Variants in MNAT1 observed in about 807,000 individuals in gnomAD.
MNAT1 encodes CDK-activating kinase assembly factor MAT1.
Under a neutral mutation model 42.0 loss-of-function variants are expected in MNAT1, and 43 were observed. The ratio of observed to expected loss-of-function variants is 1.02; its 90% confidence interval spans 0.80 to 1.32. MNAT1 has a LOEUF of 1.32. Among genes scored for constraint, MNAT1 ranks in the 40% most tolerant of loss-of-function variants. The probability of loss-of-function intolerance (pLI) is 0.00; values close to 1 mark genes in which losing one functional copy is unlikely to be tolerated. For synonymous variants in MNAT1, 118 were observed against 120.0 expected (o/e 0.98, Z 0.11); for missense variants, 306 against 350.4 (o/e 0.87, Z 1.01).
At chr14:60,746,329 C>T (rs1451558936) in intron 1 of MNAT1, among the ~76,000 whole-genome samples, 1 of 152,054 alleles carries the variant, frequency 6.6e-6, no homozygotes, top group East Asian at 1.9e-4. Context: ...GCCTGACCAA[C>T]ATGGTGAAAC....
At chr14:60,780,072 T>C in intron 1 of MNAT1, 1 of 1,471,084 alleles carries the variant, frequency 6.8e-7, no homozygotes, top group Non-Finnish European at 9.5e-7. Flanking sequence ...AACAGCATTT[T>C]ATATCAGCGT....
At chr14:60,777,145 C>G (rs2031283498) in intron 1 of MNAT1, among the ~76,000 whole-genome samples, 1 of 152,176 alleles carries the variant, frequency 6.6e-6, no homozygotes, top group Admixed American at 6.5e-5. Flanking sequence ...CCACCATGCC[C>G]AGCCTTTGAA....
Position 60,863,168 on chromosome 14 carries a change from T to C in MNAT1, c.688-16546T>C, listed in dbSNP as rs139246620. On this transcript the variant is annotated intron_variant, in intron 6 of 7. Transcript: ENST00000261245. ...TACATTTGTGATAAATAGAAATAAA[T>C]GAGAAATAGAATGTGGAGAGGCTGT... 1.1e-3 allele frequency among the ~76,000 whole-genome samples: 169 copies of C among 152,208 alleles called. No homozygotes were observed. In the East Asian group the frequency reaches 0.023, roughly 21 times the overall value.
At chr14:60,792,634 C>A (rs1421362918) in intron 1 of MNAT1, among the ~76,000 whole-genome samples, 3 of 152,030 alleles carry the variant, frequency 2.0e-5, no homozygotes, top group African/African-American at 7.2e-5. Context: ...ATGAATATTT[C>A]TTTTAGGCCA....
At chr14:60,917,392 T>TA (rs2035544861) in intron 7 of MNAT1, among the ~76,000 whole-genome samples, 2 of 152,222 alleles carry the variant, frequency 1.3e-5, no homozygotes, top group African/African-American at 4.8e-5. Flanking sequence ...AAGCAGTGTA[T>TA]AAAACAATTT....
intron 7 of MNAT1, among the ~76,000 whole-genome samples, chr14:60,908,057 T>G (rs559929399): frequency 1.1e-4 from 17 of 152,242 alleles, no homozygotes; most frequent in African/African-American, 3.4e-4. Flanking sequence ...CATAACTATG[T>G]AAAAACAACC....
At chr14:60,909,079 A>G (rs2035283322) in intron 7 of MNAT1, among the ~76,000 whole-genome samples, 2 of 152,170 alleles carry the variant, frequency 1.3e-5, no homozygotes. Context: ...GCCAGTGATG[A>G]TTAGAATTTT....
At chr14:60,769,275 A>C (rs759419839) in intron 1 of MNAT1, among the ~76,000 whole-genome samples, 5 of 151,842 alleles carry the variant, frequency 3.3e-5, no homozygotes, top group Non-Finnish European at 7.4e-5. Context: ...CTTTTTTAAG[A>C]TATATTTTAA....
intron 7 of MNAT1, among the ~76,000 whole-genome samples, chr14:60,903,865 G>GTTTTTTTTT (rs35825181): frequency 5.2e-5 from 6 of 115,742 alleles, no homozygotes; most frequent in African/African-American, 9.7e-5. Flanking sequence ...ACCCATGTAA[G>GTTTTTTTTT]TTTTTTTTTT....
At chr14:60,909,158 T>G (rs942402404) in intron 7 of MNAT1, among the ~76,000 whole-genome samples, 7 of 152,242 alleles carry the variant, frequency 4.6e-5, no homozygotes, top group South Asian at 2.1e-4. Context: ...TCACCCACTT[T>G]TTGATGGGGT....
At chr14:60,893,088 T>C (rs1457326710) in intron 7 of MNAT1, among the ~76,000 whole-genome samples, 1 of 152,136 alleles carries the variant, frequency 6.6e-6, no homozygotes, top group Non-Finnish European at 1.5e-5. Flanking sequence ...ACCTTTTGAT[T>C]ATCTTTTTTA....
At chr14:60,787,163 T>C (rs1176417460) in intron 1 of MNAT1, among the ~76,000 whole-genome samples, 1 of 152,170 alleles carries the variant, frequency 6.6e-6, no homozygotes, top group East Asian at 1.9e-4. Flanking sequence ...GCTGGTTTGG[T>C]TTCTGACCAC....
intron 7 of MNAT1, among the ~76,000 whole-genome samples, chr14:60,880,728 A>G (rs1207125278): frequency 6.6e-6 from 1 of 152,194 alleles, no homozygotes; most frequent in Non-Finnish European, 1.5e-5. Context: ...TGTGAACATC[A>G]AGGCTCCAAG....
chr14:60,771,139 G>A (rs919677591), intron 1 of MNAT1, among the ~76,000 whole-genome samples: 10 of 152,034 alleles, frequency 6.6e-5, no homozygotes, highest in African/African-American at 2.2e-4. Context: ...TAAAGAGGTT[G>A]TACAGTTTAC....
At position 60,808,380 on chromosome 14, in the gene MNAT1, A is replaced by G; in HGVS notation, c.372A>G (p.Ile124Met). 1 of 1,587,848 alleles carries G rather than the reference A, an allele frequency of 6.3e-7. No homozygotes were observed. Among genetic ancestry groups the G allele is most frequent in the South Asian group, 1.2e-5 (1 of 85,398 alleles). Residue 124 changes from isoleucine (I) to methionine (M), a missense_variant, in exon 4 of 8, where the codon ATA (isoleucine) becomes ATG (methionine). Coordinates refer to ENST00000261245, the MANE Select transcript of MNAT1 (RefSeq NM_002431.4). Reference protein sequence around the residue: ...DLDNTKKKMEIYQKENKDVIQ... With the variant: ...DLDNTKKKMEMYQKENKDVIQ... ...ACAACACCAAAAAGAAAATGGAGATATACCAAAAGGAAAACAAAGATGTTA... is the reference window on the plus strand; with the variant it reads ...ACAACACCAAAAAGAAAATGGAGATGTACCAAAAGGAAAACAAAGATGTTA...
At chr14:60,775,233 T>C (rs1406412089) in intron 1 of MNAT1, among the ~76,000 whole-genome samples, 3 of 152,144 alleles carry the variant, frequency 2.0e-5, no homozygotes, top group Non-Finnish European at 4.4e-5. Flanking sequence ...AGTGGTCAGT[T>C]AATGCTGCTA....
intron 3 of MNAT1, among the ~76,000 whole-genome samples, chr14:60,805,436 A>G (rs2032337865): frequency 6.6e-6 from 1 of 152,188 alleles, no homozygotes; most frequent in African/African-American, 2.4e-5. Flanking sequence ...TGTAGTTTAC[A>G]CTAGGATTCA....
intron 7 of MNAT1, among the ~76,000 whole-genome samples, chr14:60,914,126 G>T (rs556411940): frequency 0.016 from 2,503 of 152,356 alleles, 35 homozygotes; most frequent in Non-Finnish European, 0.022. Flanking sequence ...CTCCGAGCCT[G>T]GTGCAGGATA....
At chr14:60,958,719 C>T (rs1242835193) in intron 7 of MNAT1, among the ~76,000 whole-genome samples, 2 of 140,082 alleles carry the variant, frequency 1.4e-5, no homozygotes, top group African/African-American at 2.7e-5. Flanking sequence ...TCACTGCAAG[C>T]TCCGCCTCCT....
Sources: gnomAD v4.1 joint callset for allele counts (sites outside exome capture counted in the v4.1 genomes callset) on GRCh38, gnomAD v4.1.1 for gene constraint, MANE v1.5 for transcripts, NCBI Gene and HGNC (gene_info 2026-07-23, HGNC 2026-07-21) for gene names.